SPOUT1: variants seen among roughly 807,000 people sequenced by gnomAD.
The protein encoded by SPOUT1 is 28S rRNA (uridine-N(3))-methyltransferase.
Under a neutral mutation model 54.8 loss-of-function variants are expected in SPOUT1, and 40 were observed. The ratio of observed to expected loss-of-function variants is 0.73; its 90% CI spans 0.57 to 0.95. The LOEUF is 0.95. Among genes scored for constraint, SPOUT1 ranks in the 40% least tolerant of loss-of-function variants. The pLI is 0.00. For synonymous variants in SPOUT1, 193 were observed against 200.3 expected (o/e 0.96, Z 0.31); for missense variants, 437 against 499.5 (o/e 0.87, Z 1.19).
At chr9:128,824,701 G>T in intron 9 of SPOUT1, 70 bp downstream of exon 9, 1 of 1,153,564 alleles carries the variant, frequency 8.7e-7, no homozygotes, top group Non-Finnish European at 1.3e-6. Context: ...TGATATTTGG[G>T]TCAGGCAAGG....
chr9:128,826,766 G>A lies in SPOUT1; in HGVS notation c.369-137C>T, dbSNP rs781466451. The A allele has an allele frequency of 5.8e-6, 4 of 694,266 alleles. No individual in the cohort carries two copies. The highest frequency in any genetic ancestry group is 9.5e-6 in the Non-Finnish European group (4 of 418,912). The allele number at this position is 694,266 out of a possible 1,614,324, so 43.0% of individuals were successfully genotyped here. A position where few individuals can be genotyped will look rare whatever the true frequency, so the allele number is the denominator to read the frequency against. Reference sequence around the variant, plus strand: ...CATCTGAGTGCAGCAAGTAGAGGCTGCAGTGAGCCATGACCATGCCACTGC... The same window carrying A: ...CATCTGAGTGCAGCAAGTAGAGGCTACAGTGAGCCATGACCATGCCACTGC... On this transcript the variant is annotated intron_variant, in intron 4 of 11. Transcript: ENST00000361256. This position sits in a 1 kb window ranked among gnomAD's most constrained non-coding sequence, Gnocchi z 5.5.
At position 128,825,025 on chromosome 9, in the gene SPOUT1, C is replaced by T; in HGVS notation, c.664G>A (p.Glu222Lys). ...CGCACAGTCACCCGAAGCCCGGGCT[C>T]CAGGTTCTTGTCAATCTTCACCTCC... ...KKEVKIDKNL[E>K]PGLRVTVRLN... The change falls in exon 8 of 12, where the codon GAG becomes AAG. Residue 222 changes from glutamate to lysine, a missense_variant. By Grantham distance (56) the Glu-to-Lys change is moderately conservative. Coordinates refer to ENST00000361256, the MANE Select transcript of SPOUT1 (RefSeq NM_016390.4). 2 of 1,577,380 alleles carry T rather than the reference C, an allele frequency of 1.3e-6. No homozygotes were observed. The highest frequency in any genetic ancestry group is 1.7e-6 in the Non-Finnish European group (2 of 1,161,028).
In SPOUT1 at chr9:128,822,516, T is replaced by G. The variant is rs1219420973; in HGVS notation, c.*249A>C. On this transcript the variant is annotated 3_prime_UTR_variant, in exon 12 of 12. Transcript: ENST00000361256. ...CCACTGGAGCGCTTCCTGGTGCCCA[T>G]CGAGAGCATTGAGCGGGCTTCGGGG... 3.8e-6 allele frequency: 6 copies of G among 1,560,272 alleles called. No homozygotes were observed. Among genetic ancestry groups the G allele is most frequent in the Non-Finnish European group, 5.2e-6 (6 of 1,151,840 alleles).
rs540390294 is a variant in SPOUT1, at chr9:128,827,823, G to C, written c.209-632C>G. On this transcript the variant is annotated intron_variant, in intron 3 of 11. Transcript: ENST00000361256. ...TGTAATCCCAGCTACTCCGGAGGCT[G>C]GGGCAGGAGAATCGATTGAACTGGG... 2.0e-4 allele frequency among the ~76,000 whole-genome samples: 30 copies of C among 152,354 alleles called. No homozygotes were observed. The East Asian group carries it at 5.6e-3, about 28-fold the overall frequency.
At position 128,821,035 on chromosome 9, in the gene SPOUT1, C is replaced by T. The variant is rs150753964; in HGVS notation, c.*1730G>A. 3.0e-4 allele frequency: 182 copies of T among 605,554 alleles called. No individual in the cohort carries two copies. The highest frequency in any genetic ancestry group is 1.6e-3 in the African/African-American group (87 of 54,162). 37.5% of individuals were successfully genotyped at this position (605,554 alleles called of 1,614,324 possible). On this transcript the variant is annotated 3_prime_UTR_variant, in exon 12 of 12. Coordinates refer to ENST00000361256, the MANE Select transcript of SPOUT1 (RefSeq NM_016390.4). ...TCCACCTCCACAGCCAAAGACCTGTCGGGTACCCCTGACCATCTCTCCTCT... is the reference window on the plus strand; with the variant it reads ...TCCACCTCCACAGCCAAAGACCTGTTGGGTACCCCTGACCATCTCTCCTCT...
chr9:128,825,176 C>T, intron 7 of SPOUT1, 127 bp from the exon 8 acceptor site: 2 of 664,920 alleles, frequency 3.0e-6, no homozygotes, highest in South Asian at 3.5e-5. Context: ...CAACCTGCCA[C>T]CCTCCACCCC....
chr9:128,829,286 C>T, intron 1 of SPOUT1, 131 bp from the exon 2 acceptor site: 1 of 817,684 alleles, frequency 1.2e-6, no homozygotes. Flanking sequence ...CTGCGAACTG[C>T]TGCCCCAGAA....
rs1349836455 is a variant in SPOUT1, at chr9:128,820,427, G to C, written c.*2338C>G. 1 of 320,512 alleles carries C rather than the reference G, an allele frequency of 3.1e-6. No homozygotes were observed. The highest frequency in any genetic ancestry group is 5.8e-6 in the Non-Finnish European group (1 of 172,352). 19.9% of individuals were successfully genotyped at this position (320,512 alleles called of 1,614,324 possible). On this transcript the variant is annotated 3_prime_UTR_variant, in exon 12 of 12. Coordinates refer to ENST00000361256, the MANE Select transcript of SPOUT1 (RefSeq NM_016390.4). The stretch of plus-strand genomic sequence containing the variant: ...GTTGGAAGGGCTGGTCTTCCCAGGA[G>C]ACCCTGGGTGGGGCTGGGGACAGGC...
rs780120950 is a variant in SPOUT1 at position 128,829,749 on chromosome 9, C to G, written c.32G>C (p.Gly11Ala). 1 of 1,601,244 alleles carries G rather than the reference C, an allele frequency of 6.2e-7. No individual in the cohort carries two copies. Among genetic ancestry groups the G allele is most frequent in the East Asian group, 2.3e-5 (1 of 44,314 alleles). ...GGTCCCGCCGCCCGCACTTACCGGG[C>G]CGCACGGCCGCTTCCTGCCGCGCTC... MAERGRKRPC[G>A]PGEHGQRIEW... is the part of the protein sequence containing the mutation. Residue 11 changes from glycine to alanine, a missense_variant, in exon 1 of 12, where the codon GGC (glycine) becomes GCC (alanine). Physicochemically the swap from Gly to Ala is moderately conservative, Grantham distance 60. Transcript: ENST00000361256.
Position 128,826,991 on chromosome 9 carries a change from C to A in SPOUT1, c.368+41G>T. The A allele has an allele frequency of 1.3e-6, 2 of 1,598,314 alleles. No individual in the cohort carries two copies. The highest frequency in any genetic ancestry group is 1.1e-5 in the South Asian group (1 of 89,820). On this transcript the variant is annotated intron_variant, in intron 4 of 11. Coordinates refer to ENST00000361256, the MANE Select transcript of SPOUT1 (RefSeq NM_016390.4). The surrounding 1 kb of genome is among the most constrained non-coding windows in gnomAD (Gnocchi z 5.5). ...CCTCGGCCCATCCCGGCAGCCCCTC[C>A]CTCTCCCTGAACCCTGGCACCCTGT...
intron 2 of SPOUT1, 45 bp from the exon 3 acceptor site, chr9:128,828,905 T>C: frequency 1.2e-6 from 2 of 1,612,776 alleles, no homozygotes; most frequent in Non-Finnish European, 1.7e-6. Context: ...CAGTTCCCAC[T>C]CATTGGGTCA....
At position 128,826,208 on chromosome 9, in the gene SPOUT1, T is replaced by C; in HGVS notation, c.509-56A>G. 4 of 1,569,424 alleles carry C rather than the reference T, an allele frequency of 2.5e-6. No individual in the cohort carries two copies. Among genetic ancestry groups the C allele is most frequent in the Non-Finnish European group, 3.5e-6 (4 of 1,155,104 alleles). On this transcript the variant is annotated intron_variant, in intron 6 of 11. Transcript: ENST00000361256. The surrounding 1 kb of genome is among the most constrained non-coding windows in gnomAD (Gnocchi z 5.5). ...AAGTGCTAGGGCACACAGGGTGCAGTGGGGACCCTGGAGCGGAGTACCGGC... is the reference window on the plus strand; with the variant it reads ...AAGTGCTAGGGCACACAGGGTGCAGCGGGGACCCTGGAGCGGAGTACCGGC...
In SPOUT1 at chr9:128,822,249, A is replaced by G. The variant is rs981852271; in HGVS notation, c.*516T>C. 1.3e-6 allele frequency: 2 copies of G among 1,539,356 alleles called. No homozygotes were observed. The highest frequency in any genetic ancestry group is 2.7e-5 in the African/African-American group (2 of 73,728). ...CAGGTTGACAGAAGTTAGAGGACAG[A>G]TCAGGGAAGGCTGCCTGGAAGAGGT... On this transcript the variant is annotated 3_prime_UTR_variant, in exon 12 of 12. Coordinates refer to ENST00000361256, the MANE Select transcript of SPOUT1 (RefSeq NM_016390.4).
In SPOUT1 at chr9:128,826,080, AC is replaced by A; in HGVS notation, c.580del (p.Val194TrpfsTer18). On this transcript the variant is annotated frameshift_variant, in exon 7 of 12. Transcript: ENST00000361256. LOFTEE classifies it high-confidence loss of function. This position sits in a 1 kb window ranked among gnomAD's most constrained non-coding sequence, Gnocchi z 5.5. Reference sequence around the variant, plus strand: ...GCCTGGCCGGGTGGGCCGATCCACCACGATGCCCTCTCGGAACTCGGATTCC... The same window carrying A: ...GCCTGGCCGGGTGGGCCGATCCACCAGATGCCCTCTCGGAACTCGGATTCC... ...DEESEFREGIVVDRPTRPGHG... is the reference protein window; with the variant it reads ...DEESEFREGIXVDRPTRPGHG... The A allele has an allele frequency of 6.2e-7, 1 of 1,614,136 alleles. No homozygotes were observed. The highest frequency in any genetic ancestry group is 8.5e-7 in the Non-Finnish European group (1 of 1,180,008).
chr9:128,824,216 A>G (rs749604466), intron 9 of SPOUT1, 42 bp from the exon 10 acceptor site: 4 of 1,007,060 alleles, frequency 4.0e-6, no homozygotes, highest in South Asian at 1.3e-5. Flanking sequence ...GCTCCCCACA[A>G]GCCATAGCTC....
chr9:128,824,684 C>A (rs1326753735), intron 9 of SPOUT1, 87 bp downstream of exon 9: 5 of 912,756 alleles, frequency 5.5e-6, no homozygotes, highest in African/African-American at 4.9e-5. Context: ...GGACAAAAAC[C>A]CTGGTCTGAT....
rs766521471 is a variant in SPOUT1, at chr9:128,822,716, C to T, written c.*49G>A. 5 of 1,555,374 alleles carry T rather than the reference C, an allele frequency of 3.2e-6. No individual in the cohort carries two copies. The highest frequency in any genetic ancestry group is 2.7e-5 in the African/African-American group (2 of 73,330). Reference sequence around the variant, plus strand: ...CGTCCGTCCCAAGTGACCTGCAGAGCCCCTGGTTTCACTGCTGCTTCACTG... The same window carrying T: ...CGTCCGTCCCAAGTGACCTGCAGAGTCCCTGGTTTCACTGCTGCTTCACTG... On this transcript the variant is annotated 3_prime_UTR_variant, in exon 12 of 12. Transcript: ENST00000361256.
At chr9:128,823,003 C>T (rs1830158508) in intron 11 of SPOUT1, among the ~76,000 whole-genome samples, 170 bp from the exon 12 acceptor site, 1 of 152,200 alleles carries the variant, frequency 6.6e-6, no homozygotes, top group Non-Finnish European at 1.5e-5. Flanking sequence ...GCACACTTGC[C>T]ACCTGGAGGA....
At chr9:128,829,277 T>G in intron 1 of SPOUT1, 122 bp from the exon 2 acceptor site, 1 of 840,732 alleles carries the variant, frequency 1.2e-6, no homozygotes, top group Non-Finnish European at 2.1e-6. Context: ...AAGGAACCTC[T>G]GCGAACTGCT....
Sources: allele counts gnomAD v4.1 joint callset (sites outside exome capture counted in the v4.1 genomes callset), GRCh38; gene constraint gnomAD v4.1.1; non-coding constraint Gnocchi (gnomAD v3.1); transcripts MANE v1.5; gene names NCBI Gene and HGNC (gene_info 2026-07-23, HGNC 2026-07-21).